SEC63: variants seen among roughly 807,000 people sequenced by gnomAD.
SEC63 encodes the protein translocation protein SEC63 homolog.
In SEC63, 56 loss-of-function variants were observed where a neutral mutation model predicts 116.2. The ratio of observed to expected loss-of-function variants is 0.48; its 90% CI spans 0.39 to 0.60. The LOEUF is 0.60. Among genes scored for constraint, SEC63 ranks in the 20% least tolerant of loss-of-function variants. The pLI, the probability that SEC63 is intolerant of heterozygous loss-of-function variation, is 0.00. For synonymous variants in SEC63, 273 were observed against 294.6 expected (o/e 0.93, Z 0.75); for missense variants, 668 against 900.0 (o/e 0.74, Z 3.30).
intron 18 of SEC63, among the ~76,000 whole-genome samples, chr6:107,877,595 C>T (rs377762502): frequency 2.4e-4 from 36 of 152,128 alleles, no homozygotes; most frequent in African/African-American, 7.7e-4. Context: ...AGGCATGCAC[C>T]ACGTCTGGCT....
chr6:107,872,476 T>C (rs1315066274), intron 20 of SEC63, among the ~76,000 whole-genome samples: 1 of 151,552 alleles, frequency 6.6e-6, no homozygotes, highest in Non-Finnish European at 1.5e-5. Context: ...CAGAAATTAA[T>C]ATACACTCCA....
chr6:107,918,876 C>T (rs1299581476), intron 4 of SEC63, among the ~76,000 whole-genome samples: 1 of 147,156 alleles, frequency 6.8e-6, no homozygotes, highest in African/African-American at 2.5e-5. Context: ...ATGTCAACAT[C>T]AAGAGGAGTT....
At chr6:107,928,127 G>A (rs527408396) in intron 2 of SEC63, among the ~76,000 whole-genome samples, 1 of 152,146 alleles carries the variant, frequency 6.6e-6, no homozygotes, top group East Asian at 1.9e-4. Context: ...TTTGCCTTTA[G>A]TTTCACATCA....
chr6:107,906,448 C>T lies in SEC63; in HGVS notation c.961G>A (p.Asp321Asn). The change falls in exon 10 of 21, where the codon GAT becomes AAT. Residue 321 changes from aspartate to asparagine, a missense_variant and splice_region_variant. By Grantham distance (23) the Asp-to-Asn change is conservative (BLOSUM62 1). Around this residue, in one of 5 missense-constraint regions of SEC63, gnomAD observed 430 missense variants for 557.5 expected, o/e 0.77. Transcript: ENST00000369002. ...RMKIPETLEE[D>N]QQFMLKKCPA... ...CTGTAGATACCGGAATCACAAATAC[C>T]TTCTTCAAGGGTCTCAGGAATTTTC... 6.2e-7 allele frequency: 1 copy of T among 1,614,068 alleles called. No homozygotes were observed.
intron 1 of SEC63, chr6:107,932,380 C>G (rs1231729597): frequency 2.0e-5 from 3 of 152,052 alleles, no homozygotes; most frequent in African/African-American, 7.2e-5. Context: ...TCCAAAACCA[C>G]CAGGTAAGAA....
At position 107,957,987 on chromosome 6, in the gene SEC63, T is replaced by C; in HGVS notation, c.23A>G (p.Tyr8Cys). The change falls in exon 1 of 21, where the codon TAC (tyrosine) becomes TGC (cysteine). Residue 8 changes from tyrosine (Y) to cysteine (C), a missense_variant. By Grantham distance (194) the Tyr-to-Cys change is radical. Transcript: ENST00000369002. Reference protein sequence around the residue: MAGQQFQYDDSGNTFFYF... With the variant: MAGQQFQCDDSGNTFFYF... ...GAAGAAGGTGTTCCCACTGTCATCGTACTGGAACTGCTGCCCGGCCATGGC... is the reference window on the plus strand; with the variant it reads ...GAAGAAGGTGTTCCCACTGTCATCGCACTGGAACTGCTGCCCGGCCATGGC... 6.2e-7 allele frequency: 1 copy of C among 1,613,402 alleles called. No homozygotes were observed. The highest frequency in any genetic ancestry group is 1.1e-5 in the South Asian group (1 of 91,076).
chr6:107,882,436 A>C (rs1786433587), intron 17 of SEC63, among the ~76,000 whole-genome samples: 1 of 152,178 alleles, frequency 6.6e-6, no homozygotes, highest in Admixed American at 6.5e-5. Context: ...CCTATACGCT[A>C]TACTTTTACA....
intron 2 of SEC63, among the ~76,000 whole-genome samples, chr6:107,927,213 C>A (rs557909848): frequency 4.6e-5 from 7 of 152,276 alleles, no homozygotes; most frequent in Non-Finnish European, 8.8e-5. Flanking sequence ...CAGGCACGCA[C>A]CACCATGCCT....
At chr6:107,920,412 C>A (rs1299817111) in intron 4 of SEC63, among the ~76,000 whole-genome samples, 2 of 107,560 alleles carry the variant, frequency 1.9e-5, no homozygotes, top group Non-Finnish European at 3.4e-5. Context: ...GGCGAAAGAG[C>A]GAGACTCCGT....
In SEC63 at chr6:107,909,142, A is replaced by T. The variant is rs617920; in HGVS notation, c.625-107T>A. ...CAGCACTTTGGGAGGCTGAGGTGAG[A>T]GGACTGCTTGAGCCCAGGAGTTTGA... is the stretch of plus-strand genomic sequence containing the variant. On this transcript the variant is annotated intron_variant, in intron 7 of 20. Coordinates refer to ENST00000369002, the MANE Select transcript of SEC63 (RefSeq NM_007214.5). 0.86 allele frequency: 641,773 copies of T among 749,052 alleles called. 276,126 individuals are homozygous for T. Among genetic ancestry groups the T allele is most frequent in the African/African-American group, 0.9 (51,849 of 57,300 alleles). 46.4% of individuals were successfully genotyped at this position (749,052 alleles called of 1,614,324 possible). A position where few individuals can be genotyped will look rare whatever the true frequency, so the allele number is the denominator to read the frequency against.
chr6:107,901,432 T>C lies in SEC63; in HGVS notation c.1295A>G (p.Tyr432Cys), dbSNP rs1416844038. The change falls in exon 13 of 21, where the codon TAT (tyrosine) becomes TGT (cysteine). Residue 432 changes from tyrosine to cysteine, a missense_variant. Physicochemically the swap from Tyr to Cys is radical, Grantham distance 194 (BLOSUM62 -2). This residue lies in a region of SEC63 where 430 missense variants were observed against 557.5 expected (regional missense o/e 0.77). Transcript: ENST00000369002. ...CCCAAGGACAGCCATAACCTCTTCATATTTTTCATCTTCAAGGAAGTGCAG... is the reference window on the plus strand; with the variant it reads ...CCCAAGGACAGCCATAACCTCTTCACATTTTTCATCTTCAAGGAAGTGCAG... ...TLLHFLEDEK[Y>C]EEVMAVLGSF... The C allele has an allele frequency of 2.5e-6, 4 of 1,613,194 alleles. No individual in the cohort carries two copies. Among genetic ancestry groups the C allele is most frequent in the Middle Eastern group, 1.7e-4 (1 of 6,056 alleles).
At chr6:107,872,242 A>G (rs1371503041) in intron 20 of SEC63, among the ~76,000 whole-genome samples, 1 of 152,202 alleles carries the variant, frequency 6.6e-6, no homozygotes, top group Non-Finnish European at 1.5e-5. Context: ...AAAATTCTAC[A>G]GTTAATAAAA....
chr6:107,916,770 C>T (rs573901889), intron 4 of SEC63, among the ~76,000 whole-genome samples: 1 of 152,336 alleles, frequency 6.6e-6, no homozygotes, highest in South Asian at 2.1e-4. Flanking sequence ...GGCTGGCACA[C>T]AAACTGCACC....
Position 107,958,093 on chromosome 6 carries a change from G to A in SEC63, c.-84C>T. Reference sequence around the variant, plus strand: ...TCCCGCTCCCAACGCCCCGGCCCGAGTGGCGTAGCTTGGACACTGCCGCCG... The same window carrying A: ...TCCCGCTCCCAACGCCCCGGCCCGAATGGCGTAGCTTGGACACTGCCGCCG... On this transcript the variant is annotated 5_prime_UTR_variant, in exon 1 of 21. Transcript: ENST00000369002. The A allele has an allele frequency of 2.5e-6, 4 of 1,586,628 alleles. No individual in the cohort carries two copies. Among genetic ancestry groups the A allele is most frequent in the South Asian group, 1.1e-5 (1 of 89,872 alleles).
chr6:107,928,712 C>T (rs1380757940), intron 2 of SEC63, among the ~76,000 whole-genome samples: 1 of 152,138 alleles, frequency 6.6e-6, no homozygotes. Flanking sequence ...ATAATGGTAA[C>T]TCTCTCACCT....
In SEC63 at chr6:107,940,917, T is replaced by A. The variant is rs576788896; in HGVS notation, c.125-11403A>T. On this transcript the variant is annotated intron_variant, in intron 1 of 20. Coordinates refer to ENST00000369002, the MANE Select transcript of SEC63 (RefSeq NM_007214.5). ...TTTACTAACCACCCTGTTAGCTCTG[T>A]CCTCCTATTTTTCTTTTAGTCTTAA... is the stretch of plus-strand genomic sequence containing the variant. 3.3e-5 allele frequency among the ~76,000 whole-genome samples: 5 copies of A among 152,222 alleles called. No homozygotes were observed. In the East Asian group the frequency reaches 5.8e-4, roughly 18 times the overall value.
chr6:107,878,643 G>T (rs1786335731), intron 18 of SEC63, among the ~76,000 whole-genome samples: 1 of 152,132 alleles, frequency 6.6e-6, no homozygotes, highest in South Asian at 2.1e-4. Flanking sequence ...ATCACTTGAA[G>T]TCGGGAGTTT....
chr6:107,915,524 A>G (rs1238365696), intron 4 of SEC63, among the ~76,000 whole-genome samples: 1 of 152,200 alleles, frequency 6.6e-6, no homozygotes, highest in Admixed American at 6.5e-5. Context: ...CTTGCTATAC[A>G]ATAGCTTTAA....
At chr6:107,913,974 T>C (rs979724811) in intron 4 of SEC63, among the ~76,000 whole-genome samples, 1 of 152,224 alleles carries the variant, frequency 6.6e-6, no homozygotes, top group South Asian at 2.1e-4. Flanking sequence ...TAATTTGCAC[T>C]GTGCTAAGAT....
Sources: gnomAD v4.1 joint callset for allele counts (sites outside exome capture counted in the v4.1 genomes callset) on GRCh38, gnomAD v4.1.1 for gene constraint, gnomAD v4.1.1 regional missense constraint, MANE v1.5 for transcripts, NCBI Gene and HGNC (gene_info 2026-07-23, HGNC 2026-07-21) for gene names.